CSF2RA: variants seen among roughly 807,000 people sequenced by gnomAD.
CSF2RA encodes the protein granulocyte-macrophage colony-stimulating factor receptor subunit alpha.
In CSF2RA, 42 loss-of-function variants were observed where a neutral mutation model predicts 51.6. The ratio of observed to expected loss-of-function variants is 0.81; its 90% CI spans 0.64 to 1.05. The LOEUF is 1.05. CSF2RA is among the 50% of genes least tolerant of loss of function. The pLI, the probability that CSF2RA is intolerant of heterozygous loss-of-function variation, is 0.00. For missense variants in CSF2RA, 530 were observed against 501.1 expected (o/e 1.06, Z -0.55); for synonymous variants, 222 against 193.0 (o/e 1.15, Z -1.24).
downstream of CSF2RA, among the ~76,000 whole-genome samples, chrX:1,310,930 G>T (rs771879478): frequency 7.8e-4 from 119 of 151,964 alleles, 2 homozygotes; most frequent in South Asian, 0.022. Flanking sequence ...TTCTCTATTT[G>T]TTCCTGAAAG....
intron 4 of CSF2RA, among the ~76,000 whole-genome samples, chrX:1,286,924 A>G (rs1481082251): frequency 6.6e-6 from 1 of 152,048 alleles, no homozygotes; most frequent in East Asian, 1.9e-4. Context: ...CAGGAGACAG[A>G]GACAGAAGAG....
chrX:1,318,999 T>TCCCGCCACCACGCC, the CSF2RA span, among the ~76,000 whole-genome samples: 1 of 150,098 alleles, frequency 6.7e-6, no homozygotes, highest in African/African-American at 2.4e-5. Flanking sequence ...TTTTATTTTA[T>TCCCGCCACCACGCC]TTTATTTATT....
At chrX:1,286,185 A>G (rs1312193596) in intron 4 of CSF2RA, among the ~76,000 whole-genome samples, 1 of 151,994 alleles carries the variant, frequency 6.6e-6, no homozygotes, top group Non-Finnish European at 1.5e-5. Flanking sequence ...GGGCAGAAGA[A>G]TTACTCGAAC....
Position 1,289,530 on chromosome X carries a change from G to A in CSF2RA, c.473+642G>A, listed in dbSNP as rs192772425. On this transcript the variant is annotated intron_variant, in intron 6 of 12. Coordinates refer to ENST00000381529, the MANE Select transcript of CSF2RA (RefSeq NM_172245.4). ...TGTTCTTGTTTTGTTTTGTGTTTCTGTGTTTTTCTTTTGTTTTTGTGTTTT... is the reference window on the plus strand; with the variant it reads ...TGTTCTTGTTTTGTTTTGTGTTTCTATGTTTTTCTTTTGTTTTTGTGTTTT... 3.2e-4 allele frequency among the ~76,000 whole-genome samples: 49 copies of A among 151,274 alleles called. No individual in the cohort carries two copies. In the East Asian group the frequency reaches 4.5e-3, roughly 14 times the overall value.
intron 9 of CSF2RA, among the ~76,000 whole-genome samples, chrX:1,295,963 T>A: frequency 6.9e-6 from 1 of 145,698 alleles, no homozygotes; most frequent in East Asian, 2.1e-4. Context: ...CTAGTGTAAC[T>A]CTACAGTCCC....
In CSF2RA at chrX:1,309,646, G is replaced by C; in HGVS notation, c.*167G>C. On this transcript the variant is annotated 3_prime_UTR_variant, in exon 13 of 13. Transcript: ENST00000381529. ...TCACGCCTGTAATCCCAGCACTTTG[G>C]GAGGCCAAGGCAGGCGGATCACCTG... is the stretch of plus-strand genomic sequence containing the variant. The C allele has an allele frequency of 6.6e-7, 1 of 1,523,468 alleles. No homozygotes were observed. Among genetic ancestry groups the C allele is most frequent in the East Asian group, 2.3e-5 (1 of 44,396 alleles). 94.4% of individuals were successfully genotyped at this position (1,523,468 alleles called of 1,614,324 possible). A position where few individuals can be genotyped will look rare whatever the true frequency, so the allele number is the denominator to read the frequency against.
At chrX:1,304,938 T>G (rs780606502) in intron 11 of CSF2RA, among the ~76,000 whole-genome samples, 7 of 150,302 alleles carry the variant, frequency 4.7e-5, no homozygotes, top group African/African-American at 1.5e-4. Context: ...GTGCTGGGAT[T>G]ACAGGTGTGA....
At chrX:1,303,256 C>T (rs111716550) in intron 10 of CSF2RA, 2 of 273,316 alleles carry the variant, frequency 7.3e-6, no homozygotes, top group Admixed American at 6.1e-5. Flanking sequence ...TTTATTTTGA[C>T]ACAGGGTCTC....
chrX:1,301,660 A>G (rs1258266547), intron 10 of CSF2RA, among the ~76,000 whole-genome samples: 3 of 139,092 alleles, frequency 2.2e-5, no homozygotes, highest in Non-Finnish European at 4.5e-5. Context: ...CCAGTGGCGC[A>G]ATCTCGGCTC....
intron 7 of CSF2RA, among the ~76,000 whole-genome samples, chrX:1,292,977 T>C (rs1390620721): frequency 6.6e-6 from 1 of 152,118 alleles, no homozygotes; most frequent in African/African-American, 2.4e-5. Flanking sequence ...CTTTCCGCAG[T>C]GCATGGTGTC....
chrX:1,313,991 A>C (rs1278094646), downstream of CSF2RA, among the ~76,000 whole-genome samples: 2 of 152,100 alleles, frequency 1.3e-5, no homozygotes. Flanking sequence ...ATTCTGTCTC[A>C]AAATAAATGA....
At chrX:1,290,193 GTTTTTTTT>G in intron 6 of CSF2RA, 136 bp from the exon 7 acceptor site, 5 of 601,508 alleles carry the variant, frequency 8.3e-6, no homozygotes, top group Non-Finnish European at 8.5e-6. Flanking sequence ...GTTTTTGTGG[GTTTTTTTT>G]GTTTTGTGTT....
At chrX:1,302,100 G>C (rs1309636924) in intron 10 of CSF2RA, among the ~76,000 whole-genome samples, 1 of 151,116 alleles carries the variant, frequency 6.6e-6, no homozygotes, top group African/African-American at 2.4e-5. Flanking sequence ...ATTTTTAGTA[G>C]AGACGGGGTT....
At chrX:1,289,553 T>C (rs574463242) in intron 6 of CSF2RA, among the ~76,000 whole-genome samples, 12,978 of 152,166 alleles carry the variant, frequency 0.085, 735 homozygotes, top group South Asian at 0.23. Context: ...GTTTTTGTGT[T>C]TTTTTGGTTT....
intron 10 of CSF2RA, chrX:1,303,339 G>A (rs774447080): frequency 3.8e-5 from 16 of 424,632 alleles, no homozygotes; most frequent in African/African-American, 2.2e-4. Flanking sequence ...AGGCTCAAGC[G>A]ATTCTCCTGC....
chrX:1,307,475 T>C (rs1248320699), intron 12 of CSF2RA, among the ~76,000 whole-genome samples: 5 of 151,236 alleles, frequency 3.3e-5, no homozygotes, highest in Admixed American at 3.3e-4. Context: ...CCTTACCCTT[T>C]AGACTTTCAA....
chrX:1,319,729 T>C, the CSF2RA span, among the ~76,000 whole-genome samples: 3 of 147,344 alleles, frequency 2.0e-5, 1 homozygote, highest in Non-Finnish European at 3.0e-5. Context: ...TTTTTTTTTT[T>C]TTTTAGACAG....
intron 6 of CSF2RA, among the ~76,000 whole-genome samples, chrX:1,289,648 T>G (rs1174711055): frequency 6.6e-6 from 1 of 151,746 alleles, no homozygotes; most frequent in African/African-American, 2.4e-5. Context: ...TTGTGTTTGT[T>G]TTTGTTTTGT....
intron 9 of CSF2RA, among the ~76,000 whole-genome samples, chrX:1,296,347 C>T (rs1438968851): frequency 4.6e-5 from 5 of 108,234 alleles, no homozygotes; most frequent in Non-Finnish European, 5.8e-5. Context: ...TGACCCCTGG[C>T]GGAACCCTAC....
Sources: allele counts gnomAD v4.1 joint callset (sites outside exome capture counted in the v4.1 genomes callset), GRCh38; gene constraint gnomAD v4.1.1; transcripts MANE v1.5; gene names NCBI Gene and HGNC (gene_info 2026-07-23, HGNC 2026-07-21).